KLHL29: variants seen among roughly 807,000 people sequenced by gnomAD.
The protein encoded by KLHL29 is kelch like family member 29.
Under a neutral mutation model 80.4 loss-of-function variants are expected in KLHL29, and 21 were observed. The ratio of observed to expected loss-of-function variants is 0.26; its 90% CI spans 0.19 to 0.38. The LOEUF (loss-of-function observed/expected upper bound fraction) is 0.38. Ranked by LOEUF, KLHL29 falls within the 10% of genes least tolerant of loss-of-function variation. KLHL29 has a pLI of 1.00. For missense variants in KLHL29, 867 were observed against 1,223.9 expected, an observed-to-expected ratio of 0.71 and a Z score of 4.35; for synonymous variants, 511 against 526.8, an observed-to-expected ratio of 0.97 and a Z score of 0.41.
At chr2:23,452,910 G>A (rs73921821) in intron 1 of KLHL29, among the ~76,000 whole-genome samples, 15,223 of 137,280 alleles carry the variant, frequency 0.11, 1,497 homozygotes, top group East Asian at 0.29. Flanking sequence ...TCACCCCCCC[G>A]CCCACACACA....
At chr2:23,563,416 G>A (rs2103497817) in intron 3 of KLHL29, among the ~76,000 whole-genome samples, 1 of 152,364 alleles carries the variant, frequency 6.6e-6, no homozygotes, top group African/African-American at 2.4e-5. Context: ...TGCCTCTGCT[G>A]GCCATTCGGA....
intron 2 of KLHL29, among the ~76,000 whole-genome samples, chr2:23,478,338 G>A (rs983331297): frequency 2.6e-5 from 4 of 152,088 alleles, no homozygotes; most frequent in African/African-American, 9.7e-5. Context: ...AAGATGATAG[G>A]AAGGTTCCGA....
At chr2:23,490,259 C>G (rs978277948) in intron 2 of KLHL29, among the ~76,000 whole-genome samples, 1 of 151,916 alleles carries the variant, frequency 6.6e-6, no homozygotes, top group Admixed American at 6.5e-5. Context: ...GAAGCCAATT[C>G]CTGGAAGAGT....
chr2:23,489,388 G>A (rs967164540), intron 2 of KLHL29, among the ~76,000 whole-genome samples: 4 of 152,092 alleles, frequency 2.6e-5, no homozygotes, highest in African/African-American at 4.8e-5. Context: ...CTATTCCGGT[G>A]GCTCCTGCAG....
chr2:23,682,889 C>T lies in KLHL29; in HGVS notation c.941-1510C>T, dbSNP rs1362374818. Reference sequence around the variant, plus strand: ...CTTGGGGTTGGCGGGGTCAGTGATTCGGCCTTGCCATGGCTCCCAGAGGGC... The same window carrying T: ...CTTGGGGTTGGCGGGGTCAGTGATTTGGCCTTGCCATGGCTCCCAGAGGGC... On this transcript the variant is annotated intron_variant, in intron 5 of 13. Coordinates refer to ENST00000486442, the MANE Select transcript of KLHL29 (RefSeq NM_052920.2). The surrounding 1 kb of genome is among the most constrained non-coding windows in gnomAD (Gnocchi z 4.1). Among the ~76,000 whole-genome samples the T allele has an allele frequency of 0.056, 4 of 72 alleles. No homozygotes were observed. The highest frequency in any genetic ancestry group is 0.088 in the Non-Finnish European group (3 of 34). The allele number at this position is 72 out of a possible 152,430, so 0.0% of individuals were successfully genotyped here.
chr2:23,547,785 C>A (rs1191951905), intron 2 of KLHL29, among the ~76,000 whole-genome samples: 1 of 152,008 alleles, frequency 6.6e-6, no homozygotes, highest in African/African-American at 2.4e-5. Context: ...AGTTCAGCCT[C>A]AGAAACCAGT....
intron 3 of KLHL29, among the ~76,000 whole-genome samples, chr2:23,622,998 G>A (rs982080636): frequency 3.3e-5 from 5 of 152,184 alleles, no homozygotes; most frequent in African/African-American, 1.2e-4. Context: ...TCCCCTGAGT[G>A]AGAAACCTTG....
chr2:23,470,219 G>T (rs781780220), intron 1 of KLHL29, among the ~76,000 whole-genome samples: 1 of 152,124 alleles, frequency 6.6e-6, no homozygotes, highest in East Asian at 1.9e-4. Context: ...TGCTGTGCTG[G>T]CCCAACAGGA....
At chr2:23,686,374 G>T (rs1671259924) in intron 6 of KLHL29, among the ~76,000 whole-genome samples, 1 of 152,170 alleles carries the variant, frequency 6.6e-6, no homozygotes, top group East Asian at 1.9e-4. Context: ...GGAGACCTGG[G>T]TCCTACGCCT....
chr2:23,487,125 T>C (rs1664951876), intron 2 of KLHL29, among the ~76,000 whole-genome samples: 1 of 152,186 alleles, frequency 6.6e-6, no homozygotes, highest in South Asian at 2.1e-4. Flanking sequence ...GGTGTCCCAC[T>C]CCCTCGTGCG....
intron 1 of KLHL29, among the ~76,000 whole-genome samples, chr2:23,397,892 AG>A (rs1666491659): frequency 1.3e-5 from 2 of 152,250 alleles, no homozygotes; most frequent in South Asian, 4.1e-4. Flanking sequence ...GGGAAATGGA[AG>A]TCAAAACCAC....
At chr2:23,411,379 T>TTGTGTG (rs56103621) in intron 1 of KLHL29, among the ~76,000 whole-genome samples, 15,955 of 108,690 alleles carry the variant, frequency 0.15, 1,353 homozygotes, top group South Asian at 0.19. Context: ...GTTGCAAAAA[T>TTGTGTG]TGTGTGTGTG....
intron 2 of KLHL29, among the ~76,000 whole-genome samples, chr2:23,524,750 A>G (rs945883796): frequency 1.3e-5 from 2 of 152,242 alleles, no homozygotes; most frequent in African/African-American, 4.8e-5. Flanking sequence ...TTAAAAGTCA[A>G]AGTTTCTGAA....
At chr2:23,445,163 TTA>T (rs979300867) in intron 1 of KLHL29, among the ~76,000 whole-genome samples, 24 of 152,314 alleles carry the variant, frequency 1.6e-4, no homozygotes, top group African/African-American at 5.1e-4. Flanking sequence ...AGTGAAGACT[TTA>T]TATATGTGGT....
intron 3 of KLHL29, among the ~76,000 whole-genome samples, chr2:23,594,455 C>T (rs1350489607): frequency 6.6e-6 from 1 of 152,172 alleles, no homozygotes; most frequent in African/African-American, 2.4e-5. Context: ...CACCCCCGGC[C>T]AACACCAGTG....
At chr2:23,423,409 C>T (rs1442319377) in intron 1 of KLHL29, among the ~76,000 whole-genome samples, 5 of 152,234 alleles carry the variant, frequency 3.3e-5, no homozygotes, top group East Asian at 3.9e-4. Flanking sequence ...AGCTGCCCTG[C>T]GCGGGCTGTC....
intron 2 of KLHL29, among the ~76,000 whole-genome samples, chr2:23,485,493 C>T (rs1421672822): frequency 1.3e-5 from 2 of 152,324 alleles, no homozygotes; most frequent in African/African-American, 2.4e-5. Flanking sequence ...GGACATGGTG[C>T]ACCCAGCCAG....
At position 23,392,297 on chromosome 2, in the gene KLHL29, T is replaced by A. The variant is rs560352599; in HGVS notation, c.-154+6517T>A. 1.6e-3 allele frequency among the ~76,000 whole-genome samples: 237 copies of A among 152,360 alleles called. 1 individual carries two copies. Among genetic ancestry groups the A allele is most frequent in the Non-Finnish European group, 2.9e-3 (200 of 68,038 alleles). The stretch of plus-strand genomic sequence containing the variant: ...TACACCAGGGCATGTATATATATTA[T>A]GTTCTGTAAGTCTCACTATCAGTAC... On this transcript the variant is annotated intron_variant, in intron 1 of 13. Coordinates refer to ENST00000486442, the MANE Select transcript of KLHL29 (RefSeq NM_052920.2).
intron 2 of KLHL29, among the ~76,000 whole-genome samples, chr2:23,555,405 A>G (rs1456951117): frequency 6.6e-6 from 1 of 152,180 alleles, no homozygotes; most frequent in Non-Finnish European, 1.5e-5. Flanking sequence ...ATCCTAGTTA[A>G]GACCCACCTG....
Sources: gnomAD v4.1 joint callset for allele counts (sites outside exome capture counted in the v4.1 genomes callset) on GRCh38, gnomAD v4.1.1 for gene constraint, Gnocchi (gnomAD v3.1) non-coding constraint, MANE v1.5 for transcripts, NCBI Gene and HGNC (gene_info 2026-07-23, HGNC 2026-07-21) for gene names.